The following TGM3 variants were observed in gnomAD, a reference collection of about 807,000 sequenced individuals.
TGM3 encodes protein-glutamine gamma-glutamyltransferase E.
Under a neutral mutation model 73.8 loss-of-function variants are expected in TGM3, and 52 were observed. That is an observed-to-expected ratio of 0.70 (90% CI 0.56 to 0.89). The LOEUF (loss-of-function observed/expected upper bound fraction) is 0.89, where lower values mean the gene tolerates loss of function less well. Ranked by LOEUF, TGM3 falls within the 40% of genes least tolerant of loss-of-function variation. TGM3 has a pLI of 0.00. For missense variants in TGM3, 928 were observed against 909.9 expected, an observed-to-expected ratio of 1.02 and a Z score of -0.26; for synonymous variants, 372 against 354.9, an observed-to-expected ratio of 1.05 and a Z score of -0.54.
chr20:2,318,272 G>C (rs992986494), intron 7 of TGM3, among the ~76,000 whole-genome samples: 13 of 152,280 alleles, frequency 8.5e-5, no homozygotes, highest in African/African-American at 3.1e-4. Context: ...ACCTGCCTCA[G>C]CTTCCCAAAG....
At chr20:2,318,416 G>T (rs2084246785) in intron 7 of TGM3, among the ~76,000 whole-genome samples, 1 of 152,158 alleles carries the variant, frequency 6.6e-6, no homozygotes, top group African/African-American at 2.4e-5. Context: ...AATGATAGAT[G>T]CCACTGGAAG....
Position 2,302,326 on chromosome 20 carries a change from TTCTC to T in TGM3, c.7+6258_7+6261del, listed in dbSNP as rs2084152662. ...ACTTCCCTTTCACAGTCTGGAGTCT[TTCTC>T]TGTGCTTTTCATGTGAAAGAGGGAC... On this transcript the variant is annotated intron_variant, in intron 1 of 12. Coordinates refer to ENST00000381458, the MANE Select transcript of TGM3 (RefSeq NM_003245.4). 3.3e-5 allele frequency among the ~76,000 whole-genome samples: 5 copies of T among 152,310 alleles called. No homozygotes were observed. The South Asian group carries it at 1.0e-3, about 32-fold the overall frequency.
intron 7 of TGM3, among the ~76,000 whole-genome samples, chr20:2,321,380 T>C (rs2084262211): frequency 1.3e-5 from 2 of 152,160 alleles, no homozygotes; most frequent in African/African-American, 4.8e-5. Context: ...ACAGAGGTAT[T>C]ATTGGCACTC....
At position 2,310,205 on chromosome 20, in the gene TGM3, C is replaced by A; in HGVS notation, c.209C>A (p.Thr70Lys). 2 of 1,614,220 alleles carry A rather than the reference C, an allele frequency of 1.2e-6. No individual in the cohort carries two copies. Among genetic ancestry groups the A allele is most frequent in the Non-Finnish European group, 1.7e-6 (2 of 1,180,038 alleles). ...TGPYPSESAMTKAVFPLSNGS... is the reference protein window; with the variant it reads ...TGPYPSESAMKKAVFPLSNGS... ...CCTTACCCCTCAGAGTCGGCCATGA[C>A]GAAGGCTGTGTTTCCACTCTCCAAT... is the stretch of plus-strand genomic sequence containing the variant. The change falls in exon 3 of 13, where the codon ACG becomes AAG. Residue 70 changes from threonine (T) to lysine (K), a missense_variant. Physicochemically the swap from Thr to Lys is moderately conservative, Grantham distance 78 (BLOSUM62 -1). Transcript: ENST00000381458.
In TGM3 at chr20:2,334,389, A is replaced by G. The variant is rs2084336869; in HGVS notation, c.1643-727A>G. Among the ~76,000 whole-genome samples the G allele has an allele frequency of 6.6e-6, 1 of 152,246 alleles. No homozygotes were observed. Among genetic ancestry groups the G allele is most frequent in the African/African-American group, 2.4e-5 (1 of 41,458 alleles). On this transcript the variant is annotated intron_variant, in intron 10 of 12. Coordinates refer to ENST00000381458, the MANE Select transcript of TGM3 (RefSeq NM_003245.4). The surrounding 1 kb of genome is among the most constrained non-coding windows in gnomAD (Gnocchi z 4.0). The stretch of plus-strand genomic sequence containing the variant: ...ACAGAAGAAGAGTGATTTAGAAAAC[A>G]AAACAGAACAAAACGAAAAACAGCT...
At chr20:2,310,865 G>C (rs748937286) in intron 3 of TGM3, 146 bp from the exon 4 acceptor site, 15 of 694,822 alleles carry the variant, frequency 2.2e-5, no homozygotes, top group Non-Finnish European at 3.6e-5. Context: ...GGAGTTGGAA[G>C]AGTTACAGCC....
At chr20:2,312,348 G>A (rs2084209195) in intron 4 of TGM3, among the ~76,000 whole-genome samples, 1 of 123,034 alleles carries the variant, frequency 8.1e-6, no homozygotes, top group Non-Finnish European at 1.6e-5. Flanking sequence ...GATGAGCCGA[G>A]ATCATACCAC....
intron 4 of TGM3, among the ~76,000 whole-genome samples, chr20:2,312,565 T>C (rs1182119817): frequency 1.3e-5 from 2 of 152,224 alleles, no homozygotes; most frequent in Non-Finnish European, 2.9e-5. Context: ...CCACCTCCCA[T>C]GCATTCACTT....
chr20:2,340,248 T>A (rs1436144063), intron 12 of TGM3, among the ~76,000 whole-genome samples, 186 bp from the exon 13 acceptor site: 1 of 152,152 alleles, frequency 6.6e-6, no homozygotes, highest in African/African-American at 2.4e-5. Flanking sequence ...CCCCCCCTCC[T>A]GCTTCCCCTG....
In TGM3 at chr20:2,328,269, T is replaced by G; in HGVS notation, c.1237T>G (p.Ser413Ala). 3 of 1,614,082 alleles carry G rather than the reference T, an allele frequency of 1.9e-6. No homozygotes were observed. The highest frequency in any genetic ancestry group is 1.7e-6 in the Non-Finnish European group (2 of 1,180,024). Residue 413 changes from serine to alanine, a missense_variant, in exon 9 of 13, where the codon TCC becomes GCC. By Grantham distance (99) the Ser-to-Ala change is moderately conservative (BLOSUM62 1). Coordinates refer to ENST00000381458, the MANE Select transcript of TGM3 (RefSeq NM_003245.4). This position sits in a 1 kb window ranked among gnomAD's most constrained non-coding sequence, Gnocchi z 5.2. The part of the protein sequence containing the change: ...DNTTGKQWKN[S>A]VNSHTIGRYI... Reference sequence around the variant, plus strand: ...CACCACTGGCAAACAGTGGAAGAATTCCGTGAACAGTCACACCATTGGCAG... The same window carrying G: ...CACCACTGGCAAACAGTGGAAGAATGCCGTGAACAGTCACACCATTGGCAG...
rs924843624 is a variant in TGM3 at position 2,317,101 on chromosome 20, G to A, written c.703G>A (p.Gly235Arg). ...NSNDDNGVLA[G>R]NWSGTYTGGR... ...CAATGATGACAATGGTGTGCTTGCTGGGAATTGGAGCGGCACTTACACCGG... is the reference window on the plus strand; with the variant it reads ...CAATGATGACAATGGTGTGCTTGCTAGGAATTGGAGCGGCACTTACACCGG... The change falls in exon 6 of 13, where the codon GGG (glycine) becomes AGG (arginine). Residue 235 changes from glycine to arginine, a missense_variant. Coordinates refer to ENST00000381458, the MANE Select transcript of TGM3 (RefSeq NM_003245.4). The A allele has an allele frequency of 1.9e-6, 3 of 1,613,992 alleles. No individual in the cohort carries two copies. Among genetic ancestry groups the A allele is most frequent in the Non-Finnish European group, 2.5e-6 (3 of 1,180,026 alleles).
rs780120883 is a variant in TGM3, at chr20:2,332,347, C to T, written c.1642+37C>T. On this transcript the variant is annotated intron_variant, in intron 10 of 12. Transcript: ENST00000381458. The surrounding 1 kb of genome is among the most constrained non-coding windows in gnomAD (Gnocchi z 4.4). ...CGCAGTTGGAGGAGATCCACGAATC[C>T]GAGGTAGCCAATGGCCTTCTGGGGC... 38 of 1,527,896 alleles carry T rather than the reference C, an allele frequency of 2.5e-5. No homozygotes were observed. Among genetic ancestry groups the T allele is most frequent in the Middle Eastern group, 1.7e-4 (1 of 5,728 alleles). 94.6% of individuals were successfully genotyped at this position (1,527,896 alleles called of 1,614,324 possible).
chr20:2,306,142 A>G (rs214800), intron 1 of TGM3, among the ~76,000 whole-genome samples: 149,687 of 152,246 alleles, frequency 0.98, 73,599 homozygotes, highest in East Asian at 1. Context: ...CAATGCATGA[A>G]CTTTGCTGGA....
At chr20:2,305,391 A>C (rs1258998310) in intron 1 of TGM3, among the ~76,000 whole-genome samples, 1 of 152,220 alleles carries the variant, frequency 6.6e-6, no homozygotes, top group African/African-American at 2.4e-5. Flanking sequence ...TTGTGCCAAG[A>C]AAAAGCAGAG....
intron 3 of TGM3, 35 bp downstream of exon 3, chr20:2,310,452 CCTAAG>C: frequency 6.2e-7 from 1 of 1,605,860 alleles, no homozygotes; most frequent in Admixed American, 1.7e-5. Context: ...TCAGCCCTGG[CCTAAG>C]CTAGAAAAGA....
intron 11 of TGM3, among the ~76,000 whole-genome samples, chr20:2,337,564 G>T (rs6137716): frequency 0.29 from 43,536 of 151,622 alleles, 6,528 homozygotes; most frequent in East Asian, 0.46. Context: ...ACTAAAAATA[G>T]AAAAAATTAG....
intron 7 of TGM3, 90 bp from the exon 8 acceptor site, chr20:2,325,759 G>A (rs2084283644): frequency 2.2e-6 from 2 of 901,496 alleles, no homozygotes; most frequent in Admixed American, 2.0e-5. Flanking sequence ...ATGTTGTCAT[G>A]CTGCACTGTT....
At chr20:2,315,252 C>G (rs945269126) in intron 5 of TGM3, among the ~76,000 whole-genome samples, 17 of 152,238 alleles carry the variant, frequency 1.1e-4, no homozygotes, top group Non-Finnish European at 2.5e-4. Context: ...CCCAGATGCT[C>G]TATTCAGACC....
chr20:2,308,847 A>G (rs2084188082), intron 1 of TGM3, among the ~76,000 whole-genome samples: 1 of 150,674 alleles, frequency 6.6e-6, no homozygotes, highest in South Asian at 2.1e-4. Flanking sequence ...AACCACGGTG[A>G]TGGGGGTGAG....
Sources: allele counts gnomAD v4.1 joint callset (sites outside exome capture counted in the v4.1 genomes callset), GRCh38; gene constraint gnomAD v4.1.1; non-coding constraint Gnocchi (gnomAD v3.1); transcripts MANE v1.5; gene names NCBI Gene and HGNC (gene_info 2026-07-23, HGNC 2026-07-21).